The following NCAM1 variants were observed in gnomAD, a reference collection of about 807,000 sequenced individuals.
NCAM1 encodes antigen recognized by monoclonal antibody 5.1H11.
NCAM1 carries 14 observed loss-of-function variants against 109.8 expected under a neutral mutation model. The observed-to-expected ratio is 0.13, with a 90% CI of 0.08 to 0.20. NCAM1 has a LOEUF of 0.20. NCAM1 is among the 10% of genes least tolerant of loss of function. The pLI is 1.00. For synonymous variants in NCAM1, 418 were observed against 442.9 expected, an observed-to-expected ratio of 0.94 and a Z score of 0.70; for missense variants, 774 against 1,109.9, an observed-to-expected ratio of 0.70 and a Z score of 4.30.
At position 113,204,423 on chromosome 11, in the gene NCAM1, G is replaced by A. The variant is rs1002142283; in HGVS notation, c.265G>A (p.Asp89Asn). ...STLTIYNANI[D>N]DAGIYKCVVT... Reference sequence around the variant, plus strand: ...CCTCACCATCTATAACGCCAACATCGACGACGCCGGCATTTACAAGTGTGT... The same window carrying A: ...CCTCACCATCTATAACGCCAACATCAACGACGCCGGCATTTACAAGTGTGT... Residue 89 changes from aspartate (D) to asparagine (N), a missense_variant, in exon 3 of 20, where the codon GAC (aspartate) becomes AAC (asparagine). Asp to Asn is a conservative substitution (Grantham distance 23, BLOSUM62 1). Transcript: ENST00000316851. The A allele has an allele frequency of 1.1e-5, 18 of 1,613,816 alleles. No homozygotes were observed. Among genetic ancestry groups the A allele is most frequent in the South Asian group, 4.4e-5 (4 of 91,070 alleles).
At chr11:113,258,399 G>T (rs1186685447) in intron 16 of NCAM1, among the ~76,000 whole-genome samples, 1 of 152,180 alleles carries the variant, frequency 6.6e-6, no homozygotes, top group Non-Finnish European at 1.5e-5. Flanking sequence ...CCATCTATTT[G>T]CTGCCGTTGT....
intron 14 of NCAM1, among the ~76,000 whole-genome samples, chr11:113,245,247 C>T (rs566858756): frequency 1.2e-4 from 18 of 152,104 alleles, no homozygotes; most frequent in African/African-American, 2.2e-4. Context: ...TTGAGCCCAG[C>T]GGGGCCAACA....
At chr11:113,127,141 T>A (rs1941211640) in intron 1 of NCAM1, among the ~76,000 whole-genome samples, 2 of 152,246 alleles carry the variant, frequency 1.3e-5, no homozygotes, top group Admixed American at 6.5e-5. Flanking sequence ...TTCCCAAGCT[T>A]GATCCTGTAA....
At chr11:113,040,549 G>A (rs1313254360) in intron 1 of NCAM1, among the ~76,000 whole-genome samples, 1 of 152,204 alleles carries the variant, frequency 6.6e-6, no homozygotes, top group Non-Finnish European at 1.5e-5. Flanking sequence ...AAAAACAGAA[G>A]GCGGGTGAAT....
chr11:113,272,275 T>G (rs782048637), intron 19 of NCAM1, among the ~76,000 whole-genome samples: 9 of 152,096 alleles, frequency 5.9e-5, no homozygotes, highest in Non-Finnish European at 1.2e-4. Flanking sequence ...GGGGACCTGG[T>G]AAAGTTCTCT....
chr11:113,013,221 G>T (rs1952116101), intron 1 of NCAM1, among the ~76,000 whole-genome samples: 1 of 151,996 alleles, frequency 6.6e-6, no homozygotes, highest in African/African-American at 2.4e-5. Flanking sequence ...GAGGTTAGGA[G>T]TTCAAGACCA....
chr11:113,027,066 A>G (rs761911326), intron 1 of NCAM1, among the ~76,000 whole-genome samples: 1 of 152,238 alleles, frequency 6.6e-6, no homozygotes, highest in Non-Finnish European at 1.5e-5. Flanking sequence ...TTTTCCTCCT[A>G]CATCCCAGGA....
intron 12 of NCAM1, 90 bp downstream of exon 12, chr11:113,232,904 T>A: frequency 8.0e-7 from 1 of 1,249,354 alleles, no homozygotes; most frequent in South Asian, 1.3e-5. Flanking sequence ...GATTCCAGGA[T>A]ATTGGGAAGA....
intron 1 of NCAM1, among the ~76,000 whole-genome samples, chr11:113,118,747 G>GA (rs35407203): frequency 0.57 from 85,701 of 151,290 alleles, 24,829 homozygotes; most frequent in African/African-American, 0.61. Flanking sequence ...AATCTATACA[G>GA]AAAAAAATTC....
At chr11:113,092,904 C>G (rs782348283) in intron 1 of NCAM1, among the ~76,000 whole-genome samples, 7 of 152,054 alleles carry the variant, frequency 4.6e-5, no homozygotes, top group Non-Finnish European at 8.8e-5. Flanking sequence ...AAAGTAGGCA[C>G]CCACAAAATA....
intron 1 of NCAM1, among the ~76,000 whole-genome samples, chr11:112,978,468 C>T (rs1246561720): frequency 1.3e-5 from 2 of 151,616 alleles, no homozygotes; most frequent in Admixed American, 1.3e-4. Flanking sequence ...TGAATGTAAA[C>T]ATTGAGAATA....
intron 1 of NCAM1, among the ~76,000 whole-genome samples, chr11:113,148,359 G>A (rs1170323335): frequency 5.2e-5 from 1 of 19,360 alleles, no homozygotes; most frequent in Admixed American, 8.8e-4. Flanking sequence ...TGTTTGCGGA[G>A]CTTTTTTTTT....
At chr11:112,984,773 G>GTGTTCCTTATATAT (rs1951251249) in intron 1 of NCAM1, among the ~76,000 whole-genome samples, 1 of 151,436 alleles carries the variant, frequency 6.6e-6, no homozygotes, top group South Asian at 2.1e-4. Flanking sequence ...TTCAGTTTGT[G>GTGTTCCTTATATAT]TGTTCCTTAT....
chr11:113,058,846 C>T (rs1446344311), intron 1 of NCAM1, among the ~76,000 whole-genome samples: 2 of 152,244 alleles, frequency 1.3e-5, no homozygotes, highest in African/African-American at 4.8e-5. Flanking sequence ...GTTATATTCT[C>T]CTGACAGACA....
At chr11:113,159,870 C>T (rs1204523667) in intron 1 of NCAM1, among the ~76,000 whole-genome samples, 2 of 122,664 alleles carry the variant, frequency 1.6e-5, no homozygotes, top group Non-Finnish European at 3.2e-5. Flanking sequence ...CCCCACCCCA[C>T]AACAGGCCCT....
chr11:113,250,465 T>C (rs1214927502), intron 15 of NCAM1, among the ~76,000 whole-genome samples: 1 of 152,234 alleles, frequency 6.6e-6, no homozygotes, highest in Non-Finnish European at 1.5e-5. Flanking sequence ...GTAATTGTAA[T>C]GTTTCTGACT....
chr11:113,244,842 G>T (rs1413522909), intron 14 of NCAM1, among the ~76,000 whole-genome samples: 1 of 152,200 alleles, frequency 6.6e-6, no homozygotes, highest in Non-Finnish European at 1.5e-5. Context: ...CATTCTGTCA[G>T]CTCACGGTGG....
At chr11:113,146,809 T>G (rs1942034441) in intron 1 of NCAM1, among the ~76,000 whole-genome samples, 1 of 152,046 alleles carries the variant, frequency 6.6e-6, no homozygotes, top group Non-Finnish European at 1.5e-5. Flanking sequence ...CAGGTCGGTT[T>G]GCCTATCACT....
At chr11:113,078,587 G>T (rs1350873946) in intron 1 of NCAM1, among the ~76,000 whole-genome samples, 2 of 152,080 alleles carry the variant, frequency 1.3e-5, no homozygotes, top group Non-Finnish European at 2.9e-5. Context: ...GGGTAGTGAT[G>T]AAAGAAGATT....
Sources: gnomAD v4.1 joint callset for allele counts (sites outside exome capture counted in the v4.1 genomes callset) on GRCh38, gnomAD v4.1.1 for gene constraint, MANE v1.5 for transcripts, NCBI Gene and HGNC (gene_info 2026-07-23, HGNC 2026-07-21) for gene names.